The following FAM120C variants were observed in gnomAD, a reference collection of about 807,000 sequenced individuals.
FAM120C encodes the protein family with sequence similarity 120 member C.
A neutral mutation model predicts 71.2 loss-of-function variants in FAM120C; 14 were observed. The observed-to-expected ratio is 0.20, with a 90% CI of 0.13 to 0.31. The LOEUF is 0.31. Ranked by LOEUF, FAM120C falls within the 10% of genes least tolerant of loss-of-function variation. The pLI, the probability that FAM120C is intolerant of heterozygous loss-of-function variation, is 1.00. For missense variants in FAM120C, 500 were observed against 879.0 expected (o/e 0.57, Z 5.45); for synonymous variants, 354 against 353.2 (o/e 1.00, Z -0.03).
At chrX:54,131,764 CTT>C (rs1159999310) in intron 9 of FAM120C, among the ~76,000 whole-genome samples, 1 of 101,188 alleles carries the variant, frequency 9.9e-6, no homozygotes, top group African/African-American at 3.9e-5. Context: ...TTCTTTCTTT[CTT>C]TTTTTTTTTT....
intron 1 of FAM120C, among the ~76,000 whole-genome samples, chrX:54,169,785 T>G (rs1386715952): frequency 1.8e-5 from 2 of 112,544 alleles, no homozygotes; most frequent in Non-Finnish European, 3.7e-5. Context: ...ACATTTCAAC[T>G]GGAACTCTAA....
intron 15 of FAM120C, among the ~76,000 whole-genome samples, chrX:54,073,872 G>C (rs965937291): frequency 9.0e-6 from 1 of 111,324 alleles, no homozygotes; most frequent in Non-Finnish European, 1.9e-5. Context: ...GTCACCCAGA[G>C]TGGAGTGGAG....
At chrX:54,151,904 T>A (rs1339207315) in intron 3 of FAM120C, among the ~76,000 whole-genome samples, 1 of 111,674 alleles carries the variant, frequency 9.0e-6, no homozygotes, top group East Asian at 2.8e-4. Flanking sequence ...TAAAAAACAT[T>A]AACAACAACA....
intron 3 of FAM120C, among the ~76,000 whole-genome samples, chrX:54,153,339 G>A (rs1400440758): frequency 3.6e-5 from 4 of 109,975 alleles, no homozygotes; most frequent in Non-Finnish European, 7.6e-5. Context: ...ATGAGAGGGG[G>A]CCACAGTAAA....
intron 9 of FAM120C, among the ~76,000 whole-genome samples, chrX:54,119,756 T>C (rs1386483922): frequency 3.9e-5 from 2 of 51,821 alleles, no homozygotes; most frequent in African/African-American, 1.5e-4. Context: ...TTTGTTGCCA[T>C]TGCTTTTGGT....
chrX:54,110,863 C>A lies in FAM120C; in HGVS notation c.2312+5682G>T, dbSNP rs1378013049. On this transcript the variant is annotated intron_variant, in intron 10 of 15. Transcript: ENST00000375180. ...TCACTTGAGGTCAGGAGTTTGACACCAGCCTGGCCAACATGGAGAAACCCC... is the reference window on the plus strand; with the variant it reads ...TCACTTGAGGTCAGGAGTTTGACACAAGCCTGGCCAACATGGAGAAACCCC... 1.0e-4 allele frequency among the ~76,000 whole-genome samples: 11 copies of A among 107,140 alleles called. No individual in the cohort carries two copies. In the Admixed American group the frequency reaches 1.1e-3, roughly 11 times the overall value. The allele number at this position is 107,140 out of a possible 115,157, so 93.0% of individuals were successfully genotyped here. A position where few individuals can be genotyped will look rare whatever the true frequency, so the allele number is the denominator to read the frequency against.
At chrX:54,171,074 A>G (rs930673363) in intron 1 of FAM120C, among the ~76,000 whole-genome samples, 1 of 111,525 alleles carries the variant, frequency 9.0e-6, no homozygotes. Flanking sequence ...GCTAACATGA[A>G]TGAAGGGGTT....
At chrX:54,178,370 A>C (rs1557136908) in intron 1 of FAM120C, among the ~76,000 whole-genome samples, 1 of 112,235 alleles carries the variant, frequency 8.9e-6, no homozygotes, top group Admixed American at 9.5e-5. Context: ...TCTTCTATGC[A>C]TATTGTCTAG....
At chrX:54,173,072 A>G (rs1298533626) in intron 1 of FAM120C, among the ~76,000 whole-genome samples, 1 of 112,508 alleles carries the variant, frequency 8.9e-6, no homozygotes, top group Admixed American at 9.4e-5. Flanking sequence ...TACTCAACAA[A>G]CACTTTTATA....
intron 4 of FAM120C, among the ~76,000 whole-genome samples, chrX:54,142,841 T>C (rs2067133137): frequency 8.9e-6 from 1 of 111,739 alleles, no homozygotes; most frequent in African/African-American, 3.2e-5. Context: ...CACCTCCCAG[T>C]AGGGGCCGAC....
chrX:54,178,507 G>C (rs2067330308), intron 1 of FAM120C, among the ~76,000 whole-genome samples: 1 of 111,480 alleles, frequency 9.0e-6, no homozygotes, highest in African/African-American at 3.3e-5. Context: ...CTAGTACTTA[G>C]AACAAAGAAA....
chrX:54,086,546 G>C (rs1231493603), intron 12 of FAM120C, among the ~76,000 whole-genome samples: 3 of 110,664 alleles, frequency 2.7e-5, no homozygotes, highest in African/African-American at 9.8e-5. Flanking sequence ...CTGAGGTCAG[G>C]AGTTCAAGAC....
intron 10 of FAM120C, among the ~76,000 whole-genome samples, chrX:54,110,427 T>C (rs2066930676): frequency 9.0e-6 from 1 of 110,719 alleles, no homozygotes; most frequent in Non-Finnish European, 1.9e-5. Flanking sequence ...TATACTGATG[T>C]CTGCAATTTA....
Position 54,133,948 on chromosome X carries a change from G to A in FAM120C, c.1715C>T (p.Ala572Val), listed in dbSNP as rs1179152228. ...GTGGGGCTCACCATCACCTAGGCTC[G>A]CTTCTGAAACTCCAGTATCAACAGG... ...AQPVDTGVSE[A>V]SLGDGEPHIP... Residue 572 changes from alanine (A) to valine (V), a missense_variant, in exon 8 of 16, where the codon GCG becomes GTG. This residue lies in a region of FAM120C where 85 missense variants were observed against 84.9 expected (regional missense o/e 1.00). Transcript: ENST00000375180. 1.2e-5 allele frequency: 15 copies of A among 1,209,736 alleles called. No homozygotes were observed. The Admixed American group carries it at 2.6e-4, about 21-fold the overall frequency.
chrX:54,143,613 C>G (rs1557132012), intron 4 of FAM120C, among the ~76,000 whole-genome samples: 1 of 111,645 alleles, frequency 9.0e-6, no homozygotes, highest in Non-Finnish European at 1.9e-5. Flanking sequence ...AAGACTAAAC[C>G]AGGAAAAAGT....
chrX:54,103,253 T>C, intron 10 of FAM120C, among the ~76,000 whole-genome samples: 1 of 111,610 alleles, frequency 9.0e-6, no homozygotes, highest in East Asian at 2.8e-4. Context: ...TGTTTTGTAG[T>C]TTTCAGTTTG....
In FAM120C at chrX:54,132,289, G is replaced by A. The variant is rs184416897; in HGVS notation, c.2062+403C>T. Among the ~76,000 whole-genome samples, 56 of 111,009 alleles carry A rather than the reference G, an allele frequency of 5.0e-4. 1 individual carries two copies. The East Asian group carries it at 6.8e-3, about 14-fold the overall frequency. On this transcript the variant is annotated intron_variant, in intron 9 of 15. Transcript: ENST00000375180. ...GCTGGTCTTGAACTCCTGGACTCAA[G>A]TGATCCATCCACCTCAGCCCCACAA... is the stretch of plus-strand genomic sequence containing the variant.
chrX:54,173,597 C>T (rs976053667), intron 1 of FAM120C, among the ~76,000 whole-genome samples: 2 of 112,334 alleles, frequency 1.8e-5, no homozygotes, highest in African/African-American at 6.5e-5. Context: ...TATCTTAAAT[C>T]GTAGTCTTTC....
At position 54,069,105 on chromosome X, in the gene FAM120C, A is replaced by T. The variant is rs1361105403; in HGVS notation, c.*3928T>A. 9.0e-6 allele frequency: 1 copy of T among 111,693 alleles called. No individual in the cohort carries two copies. Among genetic ancestry groups the T allele is most frequent in the Non-Finnish European group, 1.9e-5 (1 of 53,177 alleles). The allele number at this position is 111,693 out of a possible 1,213,427, so 9.2% of individuals were successfully genotyped here. The stretch of plus-strand genomic sequence containing the variant: ...AACTTGGAAAAGATGATTTTGTAAA[A>T]AATGACTTTATATTCTTAGAACATC... On this transcript the variant is annotated 3_prime_UTR_variant, in exon 16 of 16. Transcript: ENST00000375180.
Sources: allele counts gnomAD v4.1 joint callset (sites outside exome capture counted in the v4.1 genomes callset), GRCh38; gene constraint gnomAD v4.1.1; regional missense constraint gnomAD v4.1.1; transcripts MANE v1.5; gene names NCBI Gene and HGNC (gene_info 2026-07-23, HGNC 2026-07-21).